The following AP3B1 variants were observed in gnomAD, a reference collection of about 807,000 sequenced individuals.
AP3B1 encodes AP-3 complex subunit beta-1.
AP3B1 carries 61 observed loss-of-function variants against 132.5 expected under a neutral mutation model. The observed-to-expected ratio is 0.46, with a 90% CI of 0.37 to 0.57. The LOEUF (loss-of-function observed/expected upper bound fraction) is 0.57. Among genes scored for constraint, AP3B1 ranks in the 20% least tolerant of loss-of-function variants. AP3B1 has a pLI of 0.00. For missense variants in AP3B1, 1,120 were observed against 1,289.4 expected (o/e 0.87, Z 2.01); for synonymous variants, 388 against 438.3 (o/e 0.89, Z 1.43).
At chr5:78,215,201 TA>T (rs1034219134) in intron 7 of AP3B1, among the ~76,000 whole-genome samples, 1 of 151,866 alleles carries the variant, frequency 6.6e-6, no homozygotes, top group African/African-American at 2.4e-5. Flanking sequence ...AGGAGCTTTT[TA>T]AAAATCTTTT....
At chr5:78,182,021 G>C (rs547689463) in intron 7 of AP3B1, among the ~76,000 whole-genome samples, 1 of 152,052 alleles carries the variant, frequency 6.6e-6, no homozygotes, top group Non-Finnish European at 1.5e-5. Flanking sequence ...TCCATAAATT[G>C]TCAGCCACTC....
intron 24 of AP3B1, among the ~76,000 whole-genome samples, chr5:78,022,225 A>G (rs886745889): frequency 3.9e-5 from 6 of 152,188 alleles, no homozygotes; most frequent in Non-Finnish European, 7.4e-5. Flanking sequence ...TAGTGTGTGA[A>G]TATCTGGGGA....
At chr5:78,260,052 G>A (rs1334611289) in intron 2 of AP3B1, among the ~76,000 whole-genome samples, 1 of 151,932 alleles carries the variant, frequency 6.6e-6, no homozygotes, top group African/African-American at 2.4e-5. Context: ...CAATCTCATT[G>A]TCATCACATC....
chr5:78,107,495 A>G (rs1751386419), intron 20 of AP3B1, among the ~76,000 whole-genome samples: 1 of 152,212 alleles, frequency 6.6e-6, no homozygotes, highest in Admixed American at 6.5e-5. Context: ...CAGAAAAGGA[A>G]TGAATGGAGA....
At chr5:78,117,731 C>T (rs946335249) in intron 17 of AP3B1, among the ~76,000 whole-genome samples, 2 of 152,110 alleles carry the variant, frequency 1.3e-5, no homozygotes, top group Non-Finnish European at 2.9e-5. Context: ...TTAGTGTTTA[C>T]TAAATATTGT....
At chr5:78,165,403 T>C (rs1743571768) in intron 12 of AP3B1, among the ~76,000 whole-genome samples, 1 of 152,194 alleles carries the variant, frequency 6.6e-6, no homozygotes. Flanking sequence ...TCAAAGTCTA[T>C]GAAAATATGA....
chr5:78,011,581 T>G (rs1580235924), intron 26 of AP3B1, among the ~76,000 whole-genome samples: 1 of 152,190 alleles, frequency 6.6e-6, no homozygotes, highest in Admixed American at 6.5e-5. Flanking sequence ...TGAAGTGTAT[T>G]TCATAAAACC....
chr5:78,267,507 G>A lies in AP3B1; in HGVS notation c.204+13C>T, dbSNP rs1748373329. On this transcript the variant is annotated intron_variant, in intron 2 of 26. Transcript: ENST00000255194. ...ATTTTTCCAAAATTGAAGTAAATGA[G>A]TATTTTACCTACCCCAACAATCCGC... 2 of 1,585,846 alleles carry A rather than the reference G, an allele frequency of 1.3e-6. No homozygotes were observed. Among genetic ancestry groups the A allele is most frequent in the Non-Finnish European group, 1.7e-6 (2 of 1,156,772 alleles).
chr5:78,141,276 T>C lies in AP3B1; in HGVS notation c.1517A>G (p.Asn506Ser). 6.2e-7 allele frequency: 1 copy of C among 1,613,704 alleles called. No individual in the cohort carries two copies. Among genetic ancestry groups the C allele is most frequent in the Non-Finnish European group, 8.5e-7 (1 of 1,179,738 alleles). Residue 506 changes from asparagine to serine, a missense_variant, in exon 15 of 27, where the codon AAC (asparagine) becomes AGC (serine). Transcript: ENST00000255194. The part of the protein sequence containing the change: ...RASILWLIGE[N>S]CERVPKIAPD... ...GGCAATTTTAGGAACTCGTTCACAG[T>C]TTTCTCCAATTAGCCAAAGAATACT...
chr5:78,248,766 T>C (rs1379552562), intron 2 of AP3B1, among the ~76,000 whole-genome samples: 1 of 152,180 alleles, frequency 6.6e-6, no homozygotes, highest in Non-Finnish European at 1.5e-5. Flanking sequence ...AAATGGATAC[T>C]CTTAGTCTTT....
chr5:78,137,054 T>G (rs993956639), intron 15 of AP3B1, among the ~76,000 whole-genome samples: 1 of 152,150 alleles, frequency 6.6e-6, no homozygotes, highest in African/African-American at 2.4e-5. Context: ...TCTTCCCAAA[T>G]AGAAACTCTG....
At chr5:78,000,611 A>G (rs1207045131), downstream of AP3B1, 1 of 152,244 alleles carries the variant, frequency 6.6e-6, no homozygotes, top group East Asian at 1.9e-4. Flanking sequence ...TAATAAATAA[A>G]GCAAATGTAT....
At chr5:78,019,669 C>G (rs1284339213) in intron 25 of AP3B1, among the ~76,000 whole-genome samples, 1 of 152,034 alleles carries the variant, frequency 6.6e-6, no homozygotes, top group Non-Finnish European at 1.5e-5. Flanking sequence ...TTAAATAATG[C>G]CCAGCAAAAA....
intron 2 of AP3B1, among the ~76,000 whole-genome samples, chr5:78,252,308 A>G (rs979601028): frequency 2.6e-5 from 4 of 151,862 alleles, no homozygotes; most frequent in South Asian, 2.1e-4. Flanking sequence ...AGCAGGGGGG[A>G]AAGTAAAAGG....
chr5:78,227,688 G>C (rs1002422005), intron 4 of AP3B1, among the ~76,000 whole-genome samples, 156 bp from the exon 5 acceptor site: 1 of 151,716 alleles, frequency 6.6e-6, no homozygotes, highest in African/African-American at 2.4e-5. Context: ...ATAGGAATGG[G>C]AAAAAAAGAC....
At chr5:78,279,213 G>A (rs1748934149) in intron 1 of AP3B1, among the ~76,000 whole-genome samples, 1 of 151,982 alleles carries the variant, frequency 6.6e-6, no homozygotes, top group Admixed American at 6.6e-5. Flanking sequence ...ATGAGATATG[G>A]GATTGGAAGT....
chr5:78,060,460 T>C lies in AP3B1; in HGVS notation c.2578-21186A>G, dbSNP rs540652602. Reference sequence around the variant, plus strand: ...GTGGATATTCCATATGGGTAAATCATATTATAGAAGGCATGCACATTATAA... The same window carrying C: ...GTGGATATTCCATATGGGTAAATCACATTATAGAAGGCATGCACATTATAA... On this transcript the variant is annotated intron_variant, in intron 22 of 26. Transcript: ENST00000255194. Among the ~76,000 whole-genome samples, 14 of 152,330 alleles carry C rather than the reference T, an allele frequency of 9.2e-5. No individual in the cohort carries two copies. In the South Asian group the frequency reaches 2.9e-3, roughly 32 times the overall value.
chr5:78,288,944 G>GAA (rs35914690), intron 1 of AP3B1, among the ~76,000 whole-genome samples: 23 of 138,922 alleles, frequency 1.7e-4, no homozygotes, highest in East Asian at 4.1e-4. Context: ...AATGTTAAAT[G>GAA]AAAAAAAAAA....
chr5:78,119,322 A>G (rs563539988), intron 17 of AP3B1, among the ~76,000 whole-genome samples: 1 of 152,250 alleles, frequency 6.6e-6, no homozygotes, highest in South Asian at 2.1e-4. Flanking sequence ...CACCAGCAAC[A>G]GAACAAAGCT....
Sources: gnomAD v4.1 joint callset for allele counts (sites outside exome capture counted in the v4.1 genomes callset) on GRCh38, gnomAD v4.1.1 for gene constraint, MANE v1.5 for transcripts, NCBI Gene and HGNC (gene_info 2026-07-23, HGNC 2026-07-21) for gene names.